The following EIF4G3 variants were observed in gnomAD, a reference collection of about 807,000 sequenced individuals.
The protein encoded by EIF4G3 is eIF-4-gamma 3.
EIF4G3 carries 34 observed loss-of-function variants against 186.4 expected under a neutral mutation model. That is an observed-to-expected ratio of 0.18 (90% CI 0.14 to 0.24). The LOEUF (loss-of-function observed/expected upper bound fraction) is 0.24. Ranked by LOEUF, EIF4G3 falls within the 10% of genes least tolerant of loss-of-function variation. The pLI, the probability that EIF4G3 is intolerant of heterozygous loss-of-function variation, is 1.00. For missense variants in EIF4G3, 1,536 were observed against 1,948.5 expected (o/e 0.79, Z 3.99); for synonymous variants, 673 against 679.5 (o/e 0.99, Z 0.15).
chr1:21,071,464 G>C (rs2095437672), intron 3 of EIF4G3, among the ~76,000 whole-genome samples: 1 of 152,092 alleles, frequency 6.6e-6, no homozygotes, highest in African/African-American at 2.4e-5. Context: ...CTCCAGTGCA[G>C]TCCTGACACT....
chr1:21,128,143 C>T (rs1437773660), intron 2 of EIF4G3, among the ~76,000 whole-genome samples: 1 of 147,820 alleles, frequency 6.8e-6, no homozygotes, highest in East Asian at 2.0e-4. Context: ...GGAGGTGGAG[C>T]TTGCAGTGAG....
At chr1:20,837,010 A>G (rs750208188) in intron 30 of EIF4G3, among the ~76,000 whole-genome samples, 1 of 152,228 alleles carries the variant, frequency 6.6e-6, no homozygotes, top group African/African-American at 2.4e-5. Context: ...TATGTTTCAC[A>G]TACAGCAACT....
intron 2 of EIF4G3, among the ~76,000 whole-genome samples, chr1:21,172,084 G>A (rs2097988023): frequency 7.4e-6 from 1 of 134,336 alleles, no homozygotes; most frequent in Admixed American, 8.1e-5. Context: ...TTTAGCTTGT[G>A]TTTGACTGTC....
At chr1:20,954,034 T>C (rs2096315088) in intron 12 of EIF4G3, among the ~76,000 whole-genome samples, 1 of 152,188 alleles carries the variant, frequency 6.6e-6, no homozygotes, top group Admixed American at 6.5e-5. Context: ...AGAGAAAATA[T>C]TTGCTGACCT....
At chr1:20,846,354 A>G (rs6426646) in intron 29 of EIF4G3, among the ~76,000 whole-genome samples, 143,860 of 152,230 alleles carry the variant, frequency 0.95, 68,478 homozygotes, top group Middle Eastern at 1. Context: ...CTTGTCTTGC[A>G]CTGGTTTTCA....
At chr1:21,005,710 C>T (rs1436458585) in intron 4 of EIF4G3, among the ~76,000 whole-genome samples, 1 of 152,142 alleles carries the variant, frequency 6.6e-6, no homozygotes, top group Non-Finnish European at 1.5e-5. Flanking sequence ...GAACACCCTT[C>T]CTGATCACAG....
rs576866222 is a variant in EIF4G3, at chr1:21,166,239, C to T, written c.-272+9936G>A. 1.9e-4 allele frequency among the ~76,000 whole-genome samples: 28 copies of T among 146,852 alleles called. No homozygotes were observed. The South Asian group carries it at 5.9e-3, about 31-fold the overall frequency. On this transcript the variant is annotated intron_variant, in intron 2 of 36. Transcript: ENST00000602326. Reference sequence around the variant, plus strand: ...CCCAGGAGTTTGAGATCAGCCTGGGCAACAAACTGAGATCTCTAAAAAAAA... The same window carrying T: ...CCCAGGAGTTTGAGATCAGCCTGGGTAACAAACTGAGATCTCTAAAAAAAA...
intron 2 of EIF4G3, among the ~76,000 whole-genome samples, chr1:21,127,125 G>A (rs941025090): frequency 1.3e-5 from 2 of 151,918 alleles, no homozygotes; most frequent in Non-Finnish European, 2.9e-5. Flanking sequence ...CCAGTAGCTG[G>A]GACTACAGGC....
chr1:21,157,765 T>A (rs1290993569), intron 2 of EIF4G3, among the ~76,000 whole-genome samples: 1 of 152,200 alleles, frequency 6.6e-6, no homozygotes, highest in East Asian at 1.9e-4. Flanking sequence ...TGTGGTTAGC[T>A]TAATCTGTAA....
chr1:21,068,367 T>C (rs1288336287), intron 3 of EIF4G3, among the ~76,000 whole-genome samples: 1 of 54,374 alleles, frequency 1.8e-5, no homozygotes, highest in East Asian at 3.8e-4. Flanking sequence ...AGAGTGAAAC[T>C]CTGTCTTTAA....
intron 12 of EIF4G3, among the ~76,000 whole-genome samples, chr1:20,966,540 C>G (rs2154565173): frequency 6.6e-6 from 1 of 151,114 alleles, no homozygotes; most frequent in Middle Eastern, 3.4e-3. Context: ...GTGGTGCTCT[C>G]AGCTCACTGC....
chr1:21,038,895 C>T (rs976735728), intron 4 of EIF4G3, among the ~76,000 whole-genome samples: 8 of 151,880 alleles, frequency 5.3e-5, no homozygotes, highest in African/African-American at 1.9e-4. Flanking sequence ...TTTTTAAATA[C>T]ACAGAATCCT....
At chr1:21,010,661 C>T (rs904317168) in intron 4 of EIF4G3, among the ~76,000 whole-genome samples, 5 of 152,088 alleles carry the variant, frequency 3.3e-5, no homozygotes, top group Non-Finnish European at 7.4e-5. Flanking sequence ...CATACATAGC[C>T]CATGGCTAAC....
chr1:21,016,651 C>A (rs1207753240), intron 4 of EIF4G3, among the ~76,000 whole-genome samples: 2 of 151,524 alleles, frequency 1.3e-5, no homozygotes, highest in Non-Finnish European at 2.9e-5. Context: ...AGTATGAGAC[C>A]CTGTCTTAAA....
intron 2 of EIF4G3, among the ~76,000 whole-genome samples, chr1:21,113,845 T>C (rs1043126868): frequency 2.0e-5 from 3 of 152,060 alleles, no homozygotes; most frequent in African/African-American, 7.2e-5. Flanking sequence ...TAAAACCCCG[T>C]CTCTTCAAAA....
chr1:21,111,730 T>C (rs1167116989), intron 2 of EIF4G3: 1 of 159,334 alleles, frequency 6.3e-6, no homozygotes, highest in Non-Finnish European at 1.4e-5. Context: ...AAGATACTGA[T>C]TGACTTTTGC....
At chr1:20,991,020 T>G (rs990677132) in intron 7 of EIF4G3, among the ~76,000 whole-genome samples, 2 of 152,206 alleles carry the variant, frequency 1.3e-5, no homozygotes, top group Non-Finnish European at 2.9e-5. Flanking sequence ...AGTGCTATGA[T>G]TTGCTGGCAA....
chr1:21,124,081 A>G (rs2096978336), intron 2 of EIF4G3, among the ~76,000 whole-genome samples: 1 of 152,142 alleles, frequency 6.6e-6, no homozygotes, highest in Non-Finnish European at 1.5e-5. Flanking sequence ...ACCTGAGGTC[A>G]GGAGTTCCAG....
At chr1:20,839,551 G>A (rs1217131517) in intron 30 of EIF4G3, among the ~76,000 whole-genome samples, 2 of 152,180 alleles carry the variant, frequency 1.3e-5, no homozygotes, top group East Asian at 3.9e-4. Flanking sequence ...GCGGAGTGCA[G>A]TGGTGCAACC....
Sources: gnomAD v4.1 joint callset for allele counts (sites outside exome capture counted in the v4.1 genomes callset) on GRCh38, gnomAD v4.1.1 for gene constraint, MANE v1.5 for transcripts, NCBI Gene and HGNC (gene_info 2026-07-23, HGNC 2026-07-21) for gene names.